The following DNAH11 variants were observed in gnomAD, a reference collection of about 807,000 sequenced individuals.
The protein encoded by DNAH11 is axonemal beta dynein heavy chain 11.
A neutral mutation model predicts 526.0 loss-of-function variants in DNAH11; 442 were observed. The observed-to-expected ratio is 0.84, with a 90% CI of 0.78 to 0.91. The LOEUF (loss-of-function observed/expected upper bound fraction) is 0.91, where lower values mean the gene tolerates loss of function less well. DNAH11 is among the 40% of genes least tolerant of loss of function. The pLI is 0.00. For missense variants in DNAH11, 6,989 were observed against 5,448.7 expected, an observed-to-expected ratio of 1.28 and a Z score of -8.90; for synonymous variants, 2,461 against 1,935.9, an observed-to-expected ratio of 1.27 and a Z score of -7.12.
At chr7:21,705,604 A>G (rs775492104) in intron 39 of DNAH11, 67 bp downstream of exon 39, 6 of 1,491,236 alleles carry the variant, frequency 4.0e-6, no homozygotes, top group Admixed American at 3.6e-5. Flanking sequence ...GGTTCGGCCT[A>G]TTTTCAATGC....
intron 35 of DNAH11, among the ~76,000 whole-genome samples, chr7:21,695,032 A>G (rs186988985): frequency 1.6e-3 from 244 of 152,332 alleles, no homozygotes; most frequent in South Asian, 2.7e-3. Flanking sequence ...AATACAACTT[A>G]TAAGGGATGT....
At chr7:21,707,609 A>G in intron 39 of DNAH11, 90 bp from the exon 40 acceptor site, 3 of 1,462,196 alleles carry the variant, frequency 2.1e-6, no homozygotes, top group Non-Finnish European at 1.8e-6. Context: ...GGAACATATA[A>G]TGAATACGGA....
At chr7:21,750,017 AC>A (rs1786342751) in intron 53 of DNAH11, among the ~76,000 whole-genome samples, 1 of 152,212 alleles carries the variant, frequency 6.6e-6, no homozygotes, top group Admixed American at 6.5e-5. Flanking sequence ...TCTTACACGT[AC>A]GGGTGTAGAG....
intron 20 of DNAH11, among the ~76,000 whole-genome samples, chr7:21,612,890 T>C (rs1785590322): frequency 6.6e-6 from 1 of 152,210 alleles, no homozygotes; most frequent in Admixed American, 6.5e-5. Flanking sequence ...ATTAACAAAT[T>C]AGGGAGAAAA....
intron 46 of DNAH11, among the ~76,000 whole-genome samples, chr7:21,736,160 A>G (rs1253772462): frequency 6.6e-6 from 1 of 152,232 alleles, no homozygotes; most frequent in African/African-American, 2.4e-5. Flanking sequence ...ATATAAGGGT[A>G]TACTCAAGGA....
chr7:21,721,072 G>A (rs1784858269), intron 44 of DNAH11, among the ~76,000 whole-genome samples: 1 of 152,260 alleles, frequency 6.6e-6, no homozygotes, highest in East Asian at 1.9e-4. Context: ...CAGCCTGGCT[G>A]TGTCTTCTGA....
chr7:21,742,449 G>C (rs1785948621), intron 49 of DNAH11, among the ~76,000 whole-genome samples: 1 of 152,090 alleles, frequency 6.6e-6, no homozygotes, highest in Non-Finnish European at 1.5e-5. Flanking sequence ...AGTGGAGGCA[G>C]GTCCCCAAAC....
chr7:21,739,341 A>C (rs1002288511), intron 47 of DNAH11, among the ~76,000 whole-genome samples: 1 of 152,188 alleles, frequency 6.6e-6, no homozygotes, highest in Admixed American at 6.5e-5. Flanking sequence ...GTAATAGTTT[A>C]CATTGACGCA....
At chr7:21,855,150 G>C (rs1161625160) in intron 68 of DNAH11, among the ~76,000 whole-genome samples, 1 of 150,598 alleles carries the variant, frequency 6.6e-6, no homozygotes, top group Non-Finnish European at 1.5e-5. Flanking sequence ...TCCTGCCTCA[G>C]CCTCCTGAGT....
At chr7:21,869,126 T>G in intron 73 of DNAH11, 135 bp downstream of exon 73, 1 of 1,268,268 alleles carries the variant, frequency 7.9e-7, no homozygotes, top group Non-Finnish European at 1.1e-6. Flanking sequence ...GTACTGTCAG[T>G]GTTCATGATG....
chr7:21,807,853 T>A (rs541682761), intron 62 of DNAH11, 30 bp from the exon 63 acceptor site: 1 of 1,574,420 alleles, frequency 6.4e-7, no homozygotes, highest in South Asian at 1.1e-5. Flanking sequence ...AGCCTGCAAT[T>A]ACAGCTGAGT....
At position 21,616,236 on chromosome 7, in the gene DNAH11, C is replaced by A. The variant is rs772177758; in HGVS notation, c.4039C>A (p.Gln1347Lys). The A allele has an allele frequency of 3.7e-6, 6 of 1,613,492 alleles. No individual in the cohort carries two copies. The highest frequency in any genetic ancestry group is 5.1e-6 in the Non-Finnish European group (6 of 1,179,656). Residue 1347 changes from glutamine to lysine, a missense_variant, in exon 22 of 82, where the codon CAG becomes AAG. Gln to Lys is a moderately conservative substitution (Grantham distance 53). Transcript: ENST00000409508. The part of the protein sequence containing the change: ...RRSIDNWTKT[Q>K]WRQIHVEQMD... ...AAGCATTGATAATTGGACTAAAACC[C>A]AGTGGAGACAGATTCATGTGGAACA...
chr7:21,801,962 A>T (rs191545532), intron 62 of DNAH11, among the ~76,000 whole-genome samples: 1 of 152,294 alleles, frequency 6.6e-6, no homozygotes, highest in African/African-American at 2.4e-5. Context: ...TGATATCAGT[A>T]TTCACAGATT....
chr7:21,687,123 A>G lies in DNAH11; in HGVS notation c.5646A>G (p.Ser1882=). ...GGTGTTATATTACCTTAACTCAATC[A>G]CTTCATCTAACCATGAGTGGGGCTC... ...TDRCYITLTQ[S]LHLTMSGAPA... is the part of the protein sequence containing the mutation. The change falls in exon 33 of 82, where the codon TCA becomes TCG. Residue 1882 remains serine (S), a synonymous_variant. Coordinates refer to ENST00000409508, the MANE Select transcript of DNAH11 (RefSeq NM_001277115.2). The G allele has an allele frequency of 1.2e-6, 2 of 1,613,324 alleles. No individual in the cohort carries two copies. The highest frequency in any genetic ancestry group is 1.7e-6 in the Non-Finnish European group (2 of 1,179,644).
At chr7:21,698,460 C>T (rs1345033767) in intron 36 of DNAH11, among the ~76,000 whole-genome samples, 1 of 152,042 alleles carries the variant, frequency 6.6e-6, no homozygotes. Flanking sequence ...TCTTTTATCC[C>T]TCACCCACCT....
At chr7:21,590,609 G>A (rs920113541) in intron 12 of DNAH11, among the ~76,000 whole-genome samples, 3 of 152,128 alleles carry the variant, frequency 2.0e-5, no homozygotes, top group Non-Finnish European at 4.4e-5. Context: ...TATTTTGCTA[G>A]TAAAACTCAG....
rs200585011 is a variant in DNAH11 at position 21,899,787 on chromosome 7, A to ACTAT, written c.13163-189_13163-186dup. Among the ~76,000 whole-genome samples the ACTAT allele has an allele frequency of 2.6e-3, 400 of 152,264 alleles. 5 individuals are homozygous for ACTAT. In the East Asian group the frequency reaches 0.056, roughly 21 times the overall value. ...AAATGGCTGTGACTATTCCAATAAA[A>ACTAT]CTATCTACAGAAACAGCGAGCTTGT... On this transcript the variant is annotated intron_variant, in intron 80 of 81. Transcript: ENST00000409508.
At chr7:21,831,759 G>A (rs1781781128) in intron 65 of DNAH11, among the ~76,000 whole-genome samples, 1 of 152,164 alleles carries the variant, frequency 6.6e-6, no homozygotes, top group South Asian at 2.1e-4. Flanking sequence ...ATCTTACGGA[G>A]GTTAACTCAG....
chr7:21,627,290 G>C (rs1786385664), intron 25 of DNAH11, among the ~76,000 whole-genome samples: 1 of 152,054 alleles, frequency 6.6e-6, no homozygotes, highest in African/African-American at 2.4e-5. Flanking sequence ...GATCCTGTTT[G>C]CCCAGTTTTG....
Sources: allele counts gnomAD v4.1 joint callset (sites outside exome capture counted in the v4.1 genomes callset), GRCh38; gene constraint gnomAD v4.1.1; transcripts MANE v1.5; gene names NCBI Gene and HGNC (gene_info 2026-07-23, HGNC 2026-07-21).